Variants in CDHR3 observed in about 807,000 individuals in gnomAD.
CDHR3 encodes the protein cadherin related family member 3.
Under a neutral mutation model 86.6 loss-of-function variants are expected in CDHR3, and 79 were observed. The observed-to-expected ratio is 0.91, with a 90% CI of 0.76 to 1.10. The LOEUF (loss-of-function observed/expected upper bound fraction) is 1.10. Among genes scored for constraint, CDHR3 ranks in the 50% least tolerant of loss-of-function variants. The pLI is 0.00. For synonymous variants in CDHR3, 421 were observed against 402.4 expected (o/e 1.05, Z -0.55); for missense variants, 1,081 against 1,077.6 (o/e 1.00, Z -0.04).
At chr7:105,989,913 C>CT (rs796487305) in intron 4 of CDHR3, among the ~76,000 whole-genome samples, 18 of 152,304 alleles carry the variant, frequency 1.2e-4, no homozygotes, top group African/African-American at 3.4e-4. Flanking sequence ...CCCCTGGTGT[C>CT]TGCCTGCCAA....
Position 106,026,365 on chromosome 7 carries a change from A to G in CDHR3, c.2259-317A>G, listed in dbSNP as rs554715564. On this transcript the variant is annotated intron_variant, in intron 15 of 18. Coordinates refer to ENST00000317716, the MANE Select transcript of CDHR3 (RefSeq NM_152750.5). ...GATAGGGCAAGAAGACTCGCTGGAC[A>G]GTCTGACTAGGGCAGGCATGTCCTC... Among the ~76,000 whole-genome samples the G allele has an allele frequency of 2.6e-5, 4 of 152,354 alleles. No homozygotes were observed. The East Asian group carries it at 7.7e-4, about 29-fold the overall frequency.
rs755490714 is a variant in CDHR3 at position 106,030,762 on chromosome 7, T to C, written c.2305-30T>C. Reference sequence around the variant, plus strand: ...GCCTGGGGGAAGGAATGTAGGATTGTGTTTGATGCTGTCTCTGTCTTCTCC... The same window carrying C: ...GCCTGGGGGAAGGAATGTAGGATTGCGTTTGATGCTGTCTCTGTCTTCTCC... On this transcript the variant is annotated intron_variant, in intron 17 of 18. Coordinates refer to ENST00000317716, the MANE Select transcript of CDHR3 (RefSeq NM_152750.5). This position sits in a 1 kb window ranked among gnomAD's most constrained non-coding sequence, Gnocchi z 4.8. The C allele has an allele frequency of 1.9e-6, 3 of 1,601,682 alleles. No individual in the cohort carries two copies. The highest frequency in any genetic ancestry group is 3.4e-5 in the Admixed American group (2 of 58,432).
At chr7:106,018,838 T>C (rs1431585447) in intron 12 of CDHR3, among the ~76,000 whole-genome samples, 3 of 152,158 alleles carry the variant, frequency 2.0e-5, no homozygotes, top group African/African-American at 7.2e-5. Flanking sequence ...GCTATCTTGC[T>C]TCCCAACCTT....
chr7:106,018,456 G>C (rs1836003679), intron 12 of CDHR3, among the ~76,000 whole-genome samples: 2 of 151,974 alleles, frequency 1.3e-5, no homozygotes, highest in African/African-American at 4.8e-5. Context: ...GGCTGGTCTC[G>C]AACTCCTGAC....
intron 12 of CDHR3, among the ~76,000 whole-genome samples, chr7:106,018,712 T>C (rs992285668): frequency 1.3e-5 from 2 of 152,280 alleles, no homozygotes; most frequent in East Asian, 1.9e-4. Flanking sequence ...GCACACTTCC[T>C]AGAAGTTGAG....
At chr7:106,021,519 T>C (rs1836566886) in intron 13 of CDHR3, among the ~76,000 whole-genome samples, 1 of 152,244 alleles carries the variant, frequency 6.6e-6, no homozygotes. Context: ...GTAATGAGTC[T>C]GGAGCCAGTG....
At chr7:105,991,183 A>G (rs543749815) in intron 4 of CDHR3, among the ~76,000 whole-genome samples, 3 of 152,348 alleles carry the variant, frequency 2.0e-5, no homozygotes, top group African/African-American at 7.2e-5. Flanking sequence ...AATGAATATC[A>G]AGGGAGCAGC....
chr7:105,963,469 T>C, intron 1 of CDHR3, 105 bp downstream of exon 1: 1 of 1,211,050 alleles, frequency 8.3e-7, no homozygotes, highest in South Asian at 1.3e-5. Flanking sequence ...GGGAGGCTTG[T>C]TCAATTGAGG....
chr7:106,001,574 A>G lies in CDHR3; in HGVS notation c.826A>G (p.Ile276Val), dbSNP rs1407332319. ...TTTTCCCAGCCACCTCCTCTACAGC[A>G]TTACCACTGTTAGCAAATATTTCAT... ...EGFPSHLLYS[I>V]TTVSKYFMIN... The change falls in exon 7 of 19, where the codon ATT becomes GTT. Residue 276 changes from isoleucine (I) to valine (V), a missense_variant. Physicochemically the swap from Ile to Val is conservative, Grantham distance 29. Transcript: ENST00000317716. 1.2e-6 allele frequency: 2 copies of G among 1,614,006 alleles called. No homozygotes were observed. Among genetic ancestry groups the G allele is most frequent in the East Asian group, 2.2e-5 (1 of 44,888 alleles).
chr7:106,009,802 T>A (rs1328845505), intron 8 of CDHR3, among the ~76,000 whole-genome samples: 1 of 152,180 alleles, frequency 6.6e-6, no homozygotes, highest in Non-Finnish European at 1.5e-5. Flanking sequence ...GGTTGTAAAT[T>A]GTCAGGCGAT....
chr7:105,977,225 T>C (rs549932455), intron 2 of CDHR3, among the ~76,000 whole-genome samples: 3 of 152,244 alleles, frequency 2.0e-5, no homozygotes, highest in Admixed American at 6.5e-5. Context: ...TGAGATCACA[T>C]AGCCGTAAAA....
intron 17 of CDHR3, among the ~76,000 whole-genome samples, chr7:106,029,833 C>T (rs1838063628): frequency 6.6e-6 from 1 of 152,214 alleles, no homozygotes; most frequent in African/African-American, 2.4e-5. Flanking sequence ...TCTCAGGTCT[C>T]CTGGGTCTTA....
At chr7:105,980,125 T>C (rs1296351953) in intron 2 of CDHR3, among the ~76,000 whole-genome samples, 3 of 152,244 alleles carry the variant, frequency 2.0e-5, no homozygotes, top group Admixed American at 1.3e-4. Flanking sequence ...AACAGTCTGT[T>C]GATTAAGTAA....
chr7:106,032,838 C>A lies in CDHR3; in HGVS notation c.*141C>A, dbSNP rs1029834260. The A allele has an allele frequency of 1.6e-5, 13 of 796,682 alleles. No individual in the cohort carries two copies. Among genetic ancestry groups the A allele is most frequent in the Non-Finnish European group, 2.3e-5 (12 of 517,000 alleles). 49.4% of individuals were successfully genotyped at this position (796,682 alleles called of 1,614,324 possible). ...CCAGGGTCAAACATGGGATGTTTGA[C>A]AAATTTTTAAACAAATAGAAAGGGG... On this transcript the variant is annotated 3_prime_UTR_variant, in exon 19 of 19. Transcript: ENST00000317716.
chr7:105,972,084 A>G (rs1354204667), intron 1 of CDHR3, among the ~76,000 whole-genome samples: 2 of 152,136 alleles, frequency 1.3e-5, no homozygotes, highest in Non-Finnish European at 2.9e-5. Context: ...GCCCTCCATG[A>G]CTGTTCCCTG....
At chr7:106,015,330 G>A (rs1347632146) in intron 10 of CDHR3, 117 bp downstream of exon 10, 20 of 816,204 alleles carry the variant, frequency 2.5e-5, no homozygotes, top group South Asian at 3.8e-5. Flanking sequence ...CTGCCCTCAT[G>A]CGGGGACCCC....
At chr7:105,964,445 G>C (rs1430864738) in intron 1 of CDHR3, among the ~76,000 whole-genome samples, 2 of 151,794 alleles carry the variant, frequency 1.3e-5, no homozygotes, top group African/African-American at 4.8e-5. Context: ...TATGTCTATA[G>C]CTCCTATTTT....
At position 106,024,559 on chromosome 7, in the gene CDHR3, C is replaced by T. The variant is rs776095176; in HGVS notation, c.2255C>T (p.Pro752Leu). 1.2e-6 allele frequency: 2 copies of T among 1,613,958 alleles called. No homozygotes were observed. Among genetic ancestry groups the T allele is most frequent in the East Asian group, 2.2e-5 (1 of 44,884 alleles). ...CPCKTGKNKE[P>L]LTKKGETKTA... Reference sequence around the variant, plus strand: ...TGCAAGACTGGGAAGAACAAGGAACCTCTGTAAGTTGCCAGTGGGCTGGGC... The same window carrying T: ...TGCAAGACTGGGAAGAACAAGGAACTTCTGTAAGTTGCCAGTGGGCTGGGC... The change falls in exon 15 of 19, where the codon CCT becomes CTT. Residue 752 changes from proline to leucine, a missense_variant. Pro to Leu is a moderately conservative substitution (Grantham distance 98). Transcript: ENST00000317716.
chr7:106,025,779 A>G (rs1207026330), intron 15 of CDHR3, among the ~76,000 whole-genome samples: 3 of 152,210 alleles, frequency 2.0e-5, no homozygotes, highest in African/African-American at 7.2e-5. Flanking sequence ...GTTTGTTGCT[A>G]TTGGCAACCT....
Sources: allele counts gnomAD v4.1 joint callset (sites outside exome capture counted in the v4.1 genomes callset), GRCh38; gene constraint gnomAD v4.1.1; non-coding constraint Gnocchi (gnomAD v3.1); transcripts MANE v1.5; gene names NCBI Gene and HGNC (gene_info 2026-07-23, HGNC 2026-07-21).